The following CERT1 variants were observed in gnomAD, a reference collection of about 807,000 sequenced individuals.
The protein encoded by CERT1 is ceramide transfer protein.
CERT1 carries 31 observed loss-of-function variants against 87.9 expected under a neutral mutation model. The observed-to-expected ratio is 0.35, with a 90% CI of 0.27 to 0.48. The LOEUF is 0.48. Among genes scored for constraint, CERT1 ranks in the 20% least tolerant of loss-of-function variants. The pLI, the probability that CERT1 is intolerant of heterozygous loss-of-function variation, is 0.99. For missense variants in CERT1, 487 were observed against 758.0 expected (o/e 0.64, Z 4.20); for synonymous variants, 289 against 250.9 (o/e 1.15, Z -1.44).
chr5:75,403,881 C>A (rs1361770081), intron 8 of CERT1, among the ~76,000 whole-genome samples: 1 of 152,118 alleles, frequency 6.6e-6, no homozygotes, highest in Non-Finnish European at 1.5e-5. Flanking sequence ...CAAGTGGAAC[C>A]TCAGCTGCAT....
At chr5:75,476,842 G>A (rs909760520) in intron 2 of CERT1, among the ~76,000 whole-genome samples, 1 of 151,924 alleles carries the variant, frequency 6.6e-6, no homozygotes, top group Non-Finnish European at 1.5e-5. Context: ...CTTGTTCTGC[G>A]TAACTATGGA....
chr5:75,416,930 A>G lies in CERT1; in HGVS notation c.783T>C (p.His261=), dbSNP rs752884354. The part of the protein sequence containing the change: ...TTAGILATLS[H]CIELMVKRED... ...CACGTTTAACCATTAGTTCAATACA[A>G]TGAGAAAGTGTTGCAAGGATTCCAG... The change falls in exon 7 of 17, where the codon CAT becomes CAC. Residue 261 remains histidine (H), a synonymous_variant. Transcript: ENST00000643780. 8.1e-6 allele frequency: 13 copies of G among 1,613,596 alleles called. No individual in the cohort carries two copies. The East Asian group carries it at 2.0e-4, about 25-fold the overall frequency.
At chr5:75,403,874 G>A (rs749531266) in intron 8 of CERT1, among the ~76,000 whole-genome samples, 1 of 152,154 alleles carries the variant, frequency 6.6e-6, no homozygotes, top group Non-Finnish European at 1.5e-5. Context: ...TCCCATGCAA[G>A]TGGAACCTCA....
At chr5:75,495,129 T>G (rs1047311110) in intron 2 of CERT1, among the ~76,000 whole-genome samples, 15 of 152,220 alleles carry the variant, frequency 9.9e-5, no homozygotes, top group Non-Finnish European at 1.8e-4. Flanking sequence ...ATAAGTAATC[T>G]TTTTCAAGTG....
chr5:75,426,682 T>C (rs931516202), intron 3 of CERT1, among the ~76,000 whole-genome samples: 5 of 152,234 alleles, frequency 3.3e-5, no homozygotes, highest in African/African-American at 1.2e-4. Context: ...ACCTACTATG[T>C]GCTGGGCTAG....
At chr5:75,509,624 T>TC (rs1767823050) in intron 1 of CERT1, among the ~76,000 whole-genome samples, 1 of 151,764 alleles carries the variant, frequency 6.6e-6, no homozygotes, top group Non-Finnish European at 1.5e-5. Flanking sequence ...GTCACTCCAC[T>TC]CCCCCAACCC....
At chr5:75,485,312 CAAAAAAAA>C (rs757349878) in intron 2 of CERT1, among the ~76,000 whole-genome samples, 2 of 46,438 alleles carry the variant, frequency 4.3e-5, no homozygotes, top group East Asian at 6.0e-4. Context: ...CACAAAAATA[CAAAAAAAA>C]AAAAAAAAAA....
intron 7 of CERT1, among the ~76,000 whole-genome samples, chr5:75,413,892 A>G (rs1763031392): frequency 6.6e-6 from 1 of 152,150 alleles, no homozygotes; most frequent in Non-Finnish European, 1.5e-5. Flanking sequence ...CAAGAAGTCT[A>G]CTCCAAGGTA....
intron 2 of CERT1, among the ~76,000 whole-genome samples, chr5:75,464,682 C>A (rs1232019443): frequency 6.6e-6 from 1 of 152,022 alleles, no homozygotes. Context: ...CTCACATGAT[C>A]CTCCCACCTC....
intron 7 of CERT1, among the ~76,000 whole-genome samples, chr5:75,415,747 T>A (rs947240753): frequency 1.1e-4 from 16 of 152,062 alleles, no homozygotes; most frequent in African/African-American, 3.9e-4. Flanking sequence ...TAGGGAGTTG[T>A]CCTGTTTTTC....
intron 2 of CERT1, among the ~76,000 whole-genome samples, chr5:75,478,379 A>T (rs192360149): frequency 6.6e-6 from 1 of 152,226 alleles, no homozygotes; most frequent in African/African-American, 2.4e-5. Flanking sequence ...GAATTCAATC[A>T]AATTTTAGAT....
chr5:75,394,496 A>C (rs1338255558), intron 11 of CERT1, among the ~76,000 whole-genome samples: 2 of 152,074 alleles, frequency 1.3e-5, no homozygotes, highest in African/African-American at 2.4e-5. Flanking sequence ...ATGAGACCCT[A>C]TCTCTTAAAA....
In CERT1 at chr5:75,506,125, G is replaced by A. The variant is rs1767637952; in HGVS notation, c.97-9C>T. On this transcript the variant is annotated splice_polypyrimidine_tract_variant and intron_variant, in intron 1 of 16. Transcript: ENST00000643780. ...TGAATGTAGTTTGTCCACTGGGAGT[G>A]GGAAGGGGAAGGGAAGAGAGAAGAA... 6.2e-7 allele frequency: 1 copy of A among 1,610,886 alleles called. No homozygotes were observed. The highest frequency in any genetic ancestry group is 8.5e-7 in the Non-Finnish European group (1 of 1,178,174).
rs1045835309 is a variant in CERT1 at position 75,501,793 on chromosome 5, A to T, written c.231+4189T>A. Among the ~76,000 whole-genome samples the T allele has an allele frequency of 2.0e-5, 3 of 152,154 alleles. No individual in the cohort carries two copies. In the East Asian group the frequency reaches 5.8e-4, roughly 29 times the overall value. ...CCAGGATACATAATTAGTCATGTGG[A>T]AAAAAAACTAAAAACATCAATATCA... On this transcript the variant is annotated intron_variant, in intron 2 of 16. Transcript: ENST00000643780.
At chr5:75,441,870 G>C (rs1057150505) in intron 3 of CERT1, among the ~76,000 whole-genome samples, 3 of 152,228 alleles carry the variant, frequency 2.0e-5, no homozygotes, top group African/African-American at 7.2e-5. Flanking sequence ...CAGGAACACG[G>C]GTATACAACT....
rs1259454031 is a variant in CERT1, at chr5:75,425,586, G to A, written c.457-87C>T. On this transcript the variant is annotated intron_variant, in intron 4 of 16. Transcript: ENST00000643780. ...CTATGGTATTTCATCAACTTTTAAG[G>A]TCTGCACCTTATAACTGAGGGCATG... is the stretch of plus-strand genomic sequence containing the variant. The A allele has an allele frequency of 3.0e-6, 4 of 1,319,120 alleles. No homozygotes were observed. In the Admixed American group the frequency reaches 5.8e-5, roughly 19 times the overall value. The allele number at this position is 1,319,120 out of a possible 1,614,324, so 81.7% of individuals were successfully genotyped here.
chr5:75,385,120 G>C (rs988529995), intron 13 of CERT1, among the ~76,000 whole-genome samples: 1 of 152,152 alleles, frequency 6.6e-6, no homozygotes, highest in Non-Finnish European at 1.5e-5. Context: ...ATAAACATCT[G>C]ATGATGTTGA....
At chr5:75,437,516 A>G (rs1465839992) in intron 3 of CERT1, among the ~76,000 whole-genome samples, 2 of 152,228 alleles carry the variant, frequency 1.3e-5, no homozygotes, top group African/African-American at 4.8e-5. Flanking sequence ...CTGTAATCCC[A>G]GCACTTTGGG....
chr5:75,442,085 C>T (rs1764346620), intron 3 of CERT1, among the ~76,000 whole-genome samples: 1 of 152,108 alleles, frequency 6.6e-6, no homozygotes, highest in African/African-American at 2.4e-5. Context: ...TAATAGCCAC[C>T]CTAATGGGTT....
Sources: allele counts gnomAD v4.1 joint callset (sites outside exome capture counted in the v4.1 genomes callset), GRCh38; gene constraint gnomAD v4.1.1; transcripts MANE v1.5; gene names NCBI Gene and HGNC (gene_info 2026-07-23, HGNC 2026-07-21).